UPRT: variants seen among roughly 807,000 people sequenced by gnomAD.
The protein encoded by UPRT is RP11-311P8.3.
A neutral mutation model predicts 22.6 loss-of-function variants in UPRT; 5 were observed. The ratio of observed to expected loss-of-function variants is 0.22; its 90% CI spans 0.12 to 0.47. UPRT has a LOEUF of 0.47. Ranked by LOEUF, UPRT falls within the 20% of genes least tolerant of loss-of-function variation. UPRT has a pLI of 0.99. For missense variants in UPRT, 181 were observed against 239.9 expected (o/e 0.75, Z 1.62); for synonymous variants, 77 against 87.7 (o/e 0.88, Z 0.68).
At chrX:75,298,151 A>C (rs1428313100) in intron 4 of UPRT, among the ~76,000 whole-genome samples, 2 of 108,571 alleles carry the variant, frequency 1.8e-5, no homozygotes, top group Non-Finnish European at 3.8e-5. Context: ...GCAAATTAAA[A>C]AACAATTTTT....
chrX:75,194,590 T>C (rs1267014919), intron 4 of UPRT, among the ~76,000 whole-genome samples: 2 of 111,074 alleles, frequency 1.8e-5, no homozygotes, highest in African/African-American at 6.6e-5. Context: ...CACTGGAGTC[T>C]CTATGCACAT....
intron 4 of UPRT, among the ~76,000 whole-genome samples, chrX:75,245,169 T>TA (rs1292341430): frequency 1.9e-5 from 2 of 105,778 alleles, no homozygotes; most frequent in Admixed American, 1.0e-4. Context: ...AACAAGCATA[T>TA]AAAAAATTCT....
intron 4 of UPRT, among the ~76,000 whole-genome samples, chrX:75,195,419 G>A (rs998255374): frequency 5.4e-5 from 6 of 111,962 alleles, no homozygotes; most frequent in Non-Finnish European, 1.1e-4. Context: ...GTTCCCATAG[G>A]GCTAAAGTCT....
chrX:75,175,536 C>T (rs1288575202), intron 4 of UPRT, among the ~76,000 whole-genome samples: 1 of 111,653 alleles, frequency 9.0e-6, no homozygotes, highest in Non-Finnish European at 1.9e-5. Flanking sequence ...AATAGTTAAA[C>T]ATACCTGGGG....
chrX:75,219,822 A>T (rs1361128641), intron 4 of UPRT, among the ~76,000 whole-genome samples: 2 of 111,884 alleles, frequency 1.8e-5, no homozygotes, highest in African/African-American at 6.5e-5. Flanking sequence ...TCCAGATAAA[A>T]AAGTCAACAA....
chrX:75,251,632 A>T (rs2082530205), intron 4 of UPRT, among the ~76,000 whole-genome samples: 1 of 111,833 alleles, frequency 8.9e-6, no homozygotes. Context: ...AAATGGCCAT[A>T]CTGCCCAAGG....
At chrX:75,271,254 A>T, upstream of UPRT, among the ~76,000 whole-genome samples, 1 of 112,539 alleles carries the variant, frequency 8.9e-6, no homozygotes, top group East Asian at 2.8e-4. Context: ...AAACTATGCT[A>T]TAAGGCAATA....
chrX:75,294,913 C>A (rs1388866097), intron 2 of UPRT, among the ~76,000 whole-genome samples: 1 of 111,465 alleles, frequency 9.0e-6, no homozygotes, highest in Non-Finnish European at 1.9e-5. Context: ...TTGTAAGATG[C>A]TTCCCTGAAA....
chrX:75,283,073 T>C (rs7892016), intron 1 of UPRT, among the ~76,000 whole-genome samples: 16,029 of 111,552 alleles, frequency 0.14, 1,760 homozygotes, highest in East Asian at 0.91. Flanking sequence ...AGTTTGTTTC[T>C]TCTGATATAA....
chrX:75,231,755 G>T (rs760282224), intron 4 of UPRT, among the ~76,000 whole-genome samples: 1 of 112,250 alleles, frequency 8.9e-6, no homozygotes, highest in African/African-American at 3.2e-5. Flanking sequence ...AGATTTCTCA[G>T]CAGAAAACCT....
intron 4 of UPRT, among the ~76,000 whole-genome samples, chrX:75,219,444 G>T (rs916868641): frequency 3.6e-5 from 4 of 112,017 alleles, no homozygotes; most frequent in Non-Finnish European, 7.5e-5. Context: ...ACTCTTTTGT[G>T]TGGTTTCAGT....
chrX:75,279,237 C>T (rs1215944888), intron 1 of UPRT, among the ~76,000 whole-genome samples: 3 of 111,736 alleles, frequency 2.7e-5, no homozygotes, highest in African/African-American at 9.8e-5. Context: ...CCTAGCATTA[C>T]ATCAACACTG....
chrX:75,294,666 A>C, intron 2 of UPRT: 1 of 879,148 alleles, frequency 1.1e-6, no homozygotes, highest in Non-Finnish European at 1.5e-6. Flanking sequence ...AAATTATTTG[A>C]GTTTTCATTG....
intron 4 of UPRT, among the ~76,000 whole-genome samples, chrX:75,218,402 G>A (rs1275864863): frequency 7.5e-5 from 8 of 106,291 alleles, no homozygotes; most frequent in African/African-American, 2.8e-4. Context: ...GTGCTGGAGA[G>A]GATGTGGAGA....
At chrX:75,301,111 G>C in intron 6 of UPRT, 146 bp downstream of exon 6, 1 of 404,619 alleles carries the variant, frequency 2.5e-6, no homozygotes, top group East Asian at 4.3e-5. Context: ...ACTTGTGTTT[G>C]TCATCTGTAA....
chrX:75,198,573 T>G (rs778393652), intron 4 of UPRT, among the ~76,000 whole-genome samples: 1 of 112,104 alleles, frequency 8.9e-6, no homozygotes, highest in South Asian at 3.7e-4. Flanking sequence ...TTGTACACAT[T>G]TAAAATTTTT....
chrX:75,173,943 G>A (rs2082238837), intron 4 of UPRT, among the ~76,000 whole-genome samples: 1 of 111,013 alleles, frequency 9.0e-6, no homozygotes, highest in African/African-American at 3.3e-5. Flanking sequence ...TGGCCCACAA[G>A]CGCCGCATGC....
At chrX:75,289,269 A>G (rs999858499) in intron 1 of UPRT, among the ~76,000 whole-genome samples, 2 of 111,571 alleles carry the variant, frequency 1.8e-5, no homozygotes, top group Non-Finnish European at 3.8e-5. Flanking sequence ...AAAGATCTCT[A>G]CAAAGAGATC....
intron 4 of UPRT, among the ~76,000 whole-genome samples, chrX:75,233,794 A>G (rs985642865): frequency 9.0e-6 from 1 of 111,477 alleles, no homozygotes; most frequent in Non-Finnish European, 1.9e-5. Flanking sequence ...AGCACTAAAC[A>G]TGGAAAGGAA....
Sources: gnomAD v4.1 joint callset for allele counts (sites outside exome capture counted in the v4.1 genomes callset) on GRCh38, gnomAD v4.1.1 for gene constraint, MANE v1.5 for transcripts, NCBI Gene and HGNC (gene_info 2026-07-23, HGNC 2026-07-21) for gene names.